The following NRG3 variants were observed in gnomAD, a reference collection of about 807,000 sequenced individuals.
NRG3 encodes the protein pro-neuregulin-3, membrane-bound isoform.
NRG3 carries 31 observed loss-of-function variants against 66.9 expected under a neutral mutation model. The ratio of observed to expected loss-of-function variants is 0.46; its 90% CI spans 0.35 to 0.63. The LOEUF is 0.63. Ranked by LOEUF, NRG3 falls within the 20% of genes least tolerant of loss-of-function variation. The pLI is 0.00. For missense variants in NRG3, 910 were observed against 878.9 expected (o/e 1.04, Z -0.45); for synonymous variants, 393 against 359.4 (o/e 1.09, Z -1.06).
chr10:82,639,819 T>C lies in NRG3; in HGVS notation c.954-98758T>C, dbSNP rs570564790. 1.2e-3 allele frequency among the ~76,000 whole-genome samples: 179 copies of C among 152,300 alleles called. 1 individual carries two copies. Among genetic ancestry groups the C allele is most frequent in the African/African-American group, 4.2e-3 (176 of 41,570 alleles). On this transcript the variant is annotated intron_variant, in intron 2 of 8. Coordinates refer to ENST00000372141, the MANE Select transcript of NRG3 (RefSeq NM_001010848.4). ...CAGGGGTACATATGAAGGTTTGTTA[T>C]ATAGGTAAACTTGTGTCATGGGGTT...
chr10:82,827,197 C>G, intron 3 of NRG3: 1 of 203,082 alleles, frequency 4.9e-6, no homozygotes. Context: ...TTTTTGTTAC[C>G]AAATTGTAAA....
intron 2 of NRG3, among the ~76,000 whole-genome samples, chr10:82,471,824 G>A (rs1340001456): frequency 2.0e-5 from 3 of 152,022 alleles, no homozygotes; most frequent in East Asian, 1.9e-4. Context: ...AGGAGGCAGA[G>A]GTTGCAGTGA....
intron 1 of NRG3, among the ~76,000 whole-genome samples, chr10:81,884,477 A>G (rs577931753): frequency 2.6e-5 from 4 of 152,332 alleles, no homozygotes; most frequent in South Asian, 4.1e-4. Flanking sequence ...CTCTCCATAC[A>G]CATCCTTGGG....
In NRG3 at chr10:82,240,875, G is replaced by A. The variant is rs117670306; in HGVS notation, c.824-117864G>A. ...TTGTGGAGGTCATTTTATTTTTGAC[G>A]TTATGACATAGGCAAGTAGAAGCCT... On this transcript the variant is annotated intron_variant, in intron 1 of 8. Transcript: ENST00000372141. Among the ~76,000 whole-genome samples the A allele has an allele frequency of 3.3e-5, 5 of 152,056 alleles. No individual in the cohort carries two copies. The East Asian group carries it at 7.7e-4, about 24-fold the overall frequency.
intron 2 of NRG3, among the ~76,000 whole-genome samples, chr10:82,656,984 C>A (rs2051921779): frequency 6.6e-6 from 1 of 152,048 alleles, no homozygotes; most frequent in Admixed American, 6.6e-5. Context: ...AGCTCTCATT[C>A]CAACATGCCA....
chr10:81,938,842 A>G (rs1444402238), intron 1 of NRG3, among the ~76,000 whole-genome samples: 1 of 151,924 alleles, frequency 6.6e-6, no homozygotes, highest in South Asian at 2.1e-4. Flanking sequence ...CTTCCTGATC[A>G]TAGGGGAAAA....
At chr10:82,668,064 T>G (rs1210575863) in intron 2 of NRG3, among the ~76,000 whole-genome samples, 2 of 152,128 alleles carry the variant, frequency 1.3e-5, no homozygotes, top group African/African-American at 4.8e-5. Context: ...GCTTCCTCCC[T>G]CCCTCCCTTA....
intron 1 of NRG3, among the ~76,000 whole-genome samples, chr10:82,352,661 G>A (rs2083506290): frequency 6.6e-6 from 1 of 152,172 alleles, no homozygotes; most frequent in African/African-American, 2.4e-5. Context: ...GGGATTGTGG[G>A]GGTGCAAGGT....
intron 2 of NRG3, among the ~76,000 whole-genome samples, chr10:82,446,848 C>T (rs1429316880): frequency 1.3e-5 from 2 of 152,116 alleles, no homozygotes; most frequent in African/African-American, 2.4e-5. Flanking sequence ...TGCCCCCATG[C>T]CTGAAAACCT....
chr10:82,661,917 G>A (rs561818834), intron 2 of NRG3, among the ~76,000 whole-genome samples: 1 of 152,312 alleles, frequency 6.6e-6, no homozygotes, highest in East Asian at 1.9e-4. Flanking sequence ...AACAAACTCA[G>A]ATCTACAGAC....
intron 2 of NRG3, among the ~76,000 whole-genome samples, chr10:82,692,985 G>A (rs191617244): frequency 2.6e-5 from 4 of 152,080 alleles, no homozygotes; most frequent in African/African-American, 7.2e-5. Context: ...CTTATAGATG[G>A]GCCGCCCCTC....
At chr10:82,513,568 G>A (rs887547357) in intron 2 of NRG3, among the ~76,000 whole-genome samples, 3 of 152,160 alleles carry the variant, frequency 2.0e-5, no homozygotes, top group African/African-American at 4.8e-5. Flanking sequence ...CATCAAGAGC[G>A]TAAAAAGCAT....
intron 1 of NRG3, among the ~76,000 whole-genome samples, chr10:82,321,460 T>C (rs1052355180): frequency 6.6e-6 from 1 of 152,216 alleles, no homozygotes; most frequent in Non-Finnish European, 1.5e-5. Context: ...ATTGTTTCCC[T>C]TCTTGTATGT....
intron 5 of NRG3, among the ~76,000 whole-genome samples, chr10:82,956,058 T>C (rs570119658): frequency 6.6e-6 from 1 of 151,922 alleles, no homozygotes; most frequent in Non-Finnish European, 1.5e-5. Context: ...CAGGTGTTGA[T>C]ACCAAGAGCT....
intron 1 of NRG3, among the ~76,000 whole-genome samples, chr10:81,894,329 A>T (rs1843314119): frequency 6.6e-6 from 1 of 152,172 alleles, no homozygotes; most frequent in Non-Finnish European, 1.5e-5. Flanking sequence ...CTCTGTCTCA[A>T]AAAAGGAAAG....
At chr10:82,594,535 G>T (rs1202942600) in intron 2 of NRG3, among the ~76,000 whole-genome samples, 1 of 151,984 alleles carries the variant, frequency 6.6e-6, no homozygotes, top group Non-Finnish European at 1.5e-5. Context: ...ATTGTTAATG[G>T]TTATTTTAAA....
At chr10:81,991,949 A>G (rs2060759259) in intron 1 of NRG3, among the ~76,000 whole-genome samples, 1 of 152,102 alleles carries the variant, frequency 6.6e-6, no homozygotes, top group Non-Finnish European at 1.5e-5. Context: ...GTCACAGAAA[A>G]ACTCCTGAGA....
At chr10:82,236,856 C>T (rs1448903529) in intron 1 of NRG3, among the ~76,000 whole-genome samples, 2 of 151,810 alleles carry the variant, frequency 1.3e-5, no homozygotes, top group African/African-American at 4.8e-5. Context: ...GCTGGGACTA[C>T]AGACGCCCAC....
chr10:82,630,795 A>G (rs917214874), intron 2 of NRG3, among the ~76,000 whole-genome samples: 6 of 152,214 alleles, frequency 3.9e-5, no homozygotes, highest in African/African-American at 1.2e-4. Flanking sequence ...TTTAATGGCT[A>G]TGTAATATTC....
Sources: gnomAD v4.1 joint callset for allele counts (sites outside exome capture counted in the v4.1 genomes callset) on GRCh38, gnomAD v4.1.1 for gene constraint, MANE v1.5 for transcripts, NCBI Gene and HGNC (gene_info 2026-07-23, HGNC 2026-07-21) for gene names.